The following MPPED2 variants were observed in gnomAD, a reference collection of about 807,000 sequenced individuals.
MPPED2 encodes metallophosphoesterase MPPED2.
A neutral mutation model predicts 33.0 loss-of-function variants in MPPED2; 5 were observed. That is an observed-to-expected ratio of 0.15 (90% CI 0.08 to 0.32). MPPED2 has a LOEUF of 0.32. Among genes scored for constraint, MPPED2 ranks in the 10% least tolerant of loss-of-function variants. The pLI, the probability that MPPED2 is intolerant of heterozygous loss-of-function variation, is 1.00. For missense variants in MPPED2, 275 were observed against 372.1 expected (o/e 0.74, Z 2.15); for synonymous variants, 136 against 141.9 (o/e 0.96, Z 0.29).
chr11:30,567,447 A>G (rs1055671812), intron 2 of MPPED2, among the ~76,000 whole-genome samples: 13 of 152,128 alleles, frequency 8.5e-5, no homozygotes, highest in Non-Finnish European at 8.8e-5. Flanking sequence ...AAAAATCCAA[A>G]GTGTTAAATC....
At chr11:30,454,910 C>T (rs1288437180) in intron 4 of MPPED2, among the ~76,000 whole-genome samples, 1 of 152,152 alleles carries the variant, frequency 6.6e-6, no homozygotes, top group African/African-American at 2.4e-5. Context: ...GGGCCTCTTT[C>T]AGGTAGTTGT....
chr11:30,470,650 T>A (rs1184143617), intron 4 of MPPED2, among the ~76,000 whole-genome samples: 1 of 152,234 alleles, frequency 6.6e-6, no homozygotes, highest in African/African-American at 2.4e-5. Flanking sequence ...TGCCTTCATA[T>A]CACTTACAGT....
rs987846877 is a variant in MPPED2, at chr11:30,451,913, T to G, written c.537-34280A>C. 5 of 985,280 alleles carry G rather than the reference T, an allele frequency of 5.1e-6. No homozygotes were observed. The African/African-American group carries it at 8.7e-5, about 17-fold the overall frequency. 61.0% of individuals were successfully genotyped at this position (985,280 alleles called of 1,614,324 possible). A position where few individuals can be genotyped will look rare whatever the true frequency, so the allele number is the denominator to read the frequency against. ...TCAATGCAATTGTGGGCAAGTCATT[T>G]AACCTTGATTTCTTAAATTGAGAAT... On this transcript the variant is annotated intron_variant, in intron 4 of 6. Coordinates refer to ENST00000358117, the MANE Select transcript of MPPED2 (RefSeq NM_001584.3).
At chr11:30,410,144 G>A (rs1040418523), downstream of MPPED2, 4 of 985,140 alleles carry the variant, frequency 4.1e-6, no homozygotes, top group African/African-American at 7.0e-5. Context: ...AGGCATTACT[G>A]ATGTTGCATA....
intron 4 of MPPED2, among the ~76,000 whole-genome samples, chr11:30,432,299 A>T (rs1369831923): frequency 2.6e-5 from 4 of 152,204 alleles, no homozygotes; most frequent in African/African-American, 7.2e-5. Flanking sequence ...AAACAGAAAC[A>T]TTTCATTTTT....
At chr11:30,409,491 T>C (rs965438036), downstream of MPPED2, among the ~76,000 whole-genome samples, 2 of 152,222 alleles carry the variant, frequency 1.3e-5, no homozygotes, top group Non-Finnish European at 2.9e-5. Flanking sequence ...TATTAACAAC[T>C]ACAACAGACC....
intron 4 of MPPED2, among the ~76,000 whole-genome samples, chr11:30,430,926 G>C (rs1949050859): frequency 1.3e-5 from 2 of 152,150 alleles, no homozygotes; most frequent in African/African-American, 4.8e-5. Flanking sequence ...GCAGAACTAT[G>C]ACTTCCCACC....
At chr11:30,545,249 G>C (rs1349347162) in intron 2 of MPPED2, among the ~76,000 whole-genome samples, 3 of 152,166 alleles carry the variant, frequency 2.0e-5, no homozygotes, top group African/African-American at 7.2e-5. Flanking sequence ...GGGGATTCTT[G>C]AGGAAAGGTT....
intron 3 of MPPED2, among the ~76,000 whole-genome samples, chr11:30,503,116 G>T (rs895169597): frequency 2.0e-5 from 3 of 152,138 alleles, no homozygotes; most frequent in African/African-American, 7.2e-5. Context: ...AATCATGAGG[G>T]TGGTTATCCT....
chr11:30,464,153 G>A (rs1313675972), intron 4 of MPPED2, among the ~76,000 whole-genome samples: 1 of 151,932 alleles, frequency 6.6e-6, no homozygotes, highest in Non-Finnish European at 1.5e-5. Flanking sequence ...TGTTTAAGTT[G>A]ATCTTTTATC....
intron 2 of MPPED2, among the ~76,000 whole-genome samples, chr11:30,565,685 A>C (rs1956414259): frequency 6.6e-6 from 1 of 152,194 alleles, no homozygotes; most frequent in African/African-American, 2.4e-5. Context: ...TTCCTGCCCC[A>C]AAAGTGCTTG....
At chr11:30,559,915 C>A (rs1956164209) in intron 2 of MPPED2, among the ~76,000 whole-genome samples, 1 of 152,164 alleles carries the variant, frequency 6.6e-6, no homozygotes, top group Admixed American at 6.5e-5. Context: ...TCACATTATG[C>A]CAAAGGGCAT....
At chr11:30,463,086 A>G (rs1950571294) in intron 4 of MPPED2, among the ~76,000 whole-genome samples, 1 of 152,212 alleles carries the variant, frequency 6.6e-6, no homozygotes, top group African/African-American at 2.4e-5. Context: ...TAAACTTACA[A>G]CAGGGGTATA....
At chr11:30,465,056 T>C (rs1218810084) in intron 4 of MPPED2, among the ~76,000 whole-genome samples, 18 of 152,222 alleles carry the variant, frequency 1.2e-4, no homozygotes, top group Admixed American at 1.2e-3. Context: ...ACAAAGTATG[T>C]TGTGAAGATG....
intron 5 of MPPED2, 60 bp downstream of exon 5, chr11:30,417,458 T>G (rs1948422245): frequency 5.6e-6 from 5 of 898,668 alleles, no homozygotes; most frequent in African/African-American, 1.6e-5. Context: ...TGAAGCATTA[T>G]TCATTATGCC....
intron 2 of MPPED2, among the ~76,000 whole-genome samples, chr11:30,559,848 C>T (rs931540659): frequency 6.6e-6 from 1 of 152,162 alleles, no homozygotes; most frequent in Admixed American, 6.5e-5. Flanking sequence ...ATAGTCTTCA[C>T]ATGTATTTCC....
chr11:30,458,893 T>G (rs919199315), intron 4 of MPPED2, among the ~76,000 whole-genome samples: 20 of 151,144 alleles, frequency 1.3e-4, no homozygotes, highest in Non-Finnish European at 2.2e-4. Flanking sequence ...TTAAATTTTT[T>G]TAGGACAATT....
intron 4 of MPPED2, among the ~76,000 whole-genome samples, chr11:30,467,167 T>C (rs1452368806): frequency 6.6e-6 from 1 of 152,018 alleles, no homozygotes; most frequent in African/African-American, 2.4e-5. Context: ...GCTTTTGCTG[T>C]CACTGAGGGC....
intron 2 of MPPED2, among the ~76,000 whole-genome samples, chr11:30,569,770 G>A (rs1333697724): frequency 1.3e-5 from 2 of 152,106 alleles, no homozygotes; most frequent in African/African-American, 2.4e-5. Flanking sequence ...AGTATCAAAA[G>A]TTGCTATCCT....
Sources: gnomAD v4.1 joint callset for allele counts (sites outside exome capture counted in the v4.1 genomes callset) on GRCh38, gnomAD v4.1.1 for gene constraint, MANE v1.5 for transcripts, NCBI Gene and HGNC (gene_info 2026-07-23, HGNC 2026-07-21) for gene names.